KCNQ3: variants seen among roughly 807,000 people sequenced by gnomAD.
KCNQ3 encodes potassium voltage-gated channel subfamily KQT member 3.
A neutral mutation model predicts 92.5 loss-of-function variants in KCNQ3; 30 were observed. That is an observed-to-expected ratio of 0.32 (90% confidence interval 0.24 to 0.44). The LOEUF is 0.44. Among genes scored for constraint, KCNQ3 ranks in the 20% least tolerant of loss-of-function variants. The pLI is 1.00. For synonymous variants in KCNQ3, 450 were observed against 468.8 expected, an observed-to-expected ratio of 0.96 and a Z score of 0.52; for missense variants, 913 against 1,140.3, an observed-to-expected ratio of 0.80 and a Z score of 2.87.
At chr8:132,207,442 AAG>A (rs1813697423) in intron 1 of KCNQ3, among the ~76,000 whole-genome samples, 1 of 152,218 alleles carries the variant, frequency 6.6e-6, no homozygotes, top group Admixed American at 6.5e-5. Context: ...CCAGCTGAGG[AAG>A]AGAGGTTCTA....
intron 1 of KCNQ3, among the ~76,000 whole-genome samples, chr8:132,263,822 T>C (rs1322519186): frequency 1.3e-5 from 2 of 152,092 alleles, no homozygotes; most frequent in Non-Finnish European, 2.9e-5. Context: ...TGTTGATCCT[T>C]CGCTCTGTCT....
intron 9 of KCNQ3, among the ~76,000 whole-genome samples, chr8:132,154,180 C>CA (rs977150698): frequency 3.6e-4 from 28 of 77,828 alleles, no homozygotes; most frequent in Admixed American, 2.0e-3. Context: ...GATGTACCAT[C>CA]AAAAGGGTAA....
intron 1 of KCNQ3, among the ~76,000 whole-genome samples, chr8:132,325,014 A>T (rs915253929): frequency 1.5e-4 from 23 of 151,910 alleles, no homozygotes; most frequent in African/African-American, 5.3e-4. Context: ...TTAAGAAAAA[A>T]TAAATCAGGG....
At chr8:132,199,648 G>T (rs930691541) in intron 1 of KCNQ3, among the ~76,000 whole-genome samples, 1 of 152,144 alleles carries the variant, frequency 6.6e-6, no homozygotes, top group African/African-American at 2.4e-5. Flanking sequence ...GGTGGCTCAC[G>T]CCTGTAATCC....
intron 1 of KCNQ3, among the ~76,000 whole-genome samples, chr8:132,254,297 A>G (rs1275411265): frequency 6.6e-6 from 1 of 152,228 alleles, no homozygotes; most frequent in Non-Finnish European, 1.5e-5. Flanking sequence ...CAAATGAGTG[A>G]TTGGTGAGTA....
At chr8:132,248,473 G>C (rs1186540160) in intron 1 of KCNQ3, among the ~76,000 whole-genome samples, 1 of 152,056 alleles carries the variant, frequency 6.6e-6, no homozygotes, top group Non-Finnish European at 1.5e-5. Flanking sequence ...CTAGAGCTCT[G>C]CTTCCTTTGT....
chr8:132,163,582 C>T, intron 8 of KCNQ3, 88 bp from the exon 9 acceptor site: 1 of 1,137,850 alleles, frequency 8.8e-7, no homozygotes, highest in African/African-American at 1.5e-5. Flanking sequence ...AAGCTTCTCT[C>T]TGAAGATGAT....
At chr8:132,288,434 A>C (rs1278326743) in intron 1 of KCNQ3, among the ~76,000 whole-genome samples, 1 of 152,198 alleles carries the variant, frequency 6.6e-6, no homozygotes, top group Non-Finnish European at 1.5e-5. Flanking sequence ...TTCTATATAA[A>C]CATGAGATGC....
At chr8:132,227,310 T>A (rs1814462116) in intron 1 of KCNQ3, among the ~76,000 whole-genome samples, 1 of 152,064 alleles carries the variant, frequency 6.6e-6, no homozygotes, top group African/African-American at 2.4e-5. Context: ...TCTTCCCGCC[T>A]CGGCCTCCCA....
intron 1 of KCNQ3, among the ~76,000 whole-genome samples, chr8:132,250,073 C>G (rs968938576): frequency 1.3e-5 from 2 of 152,198 alleles, no homozygotes; most frequent in African/African-American, 4.8e-5. Context: ...GGAGCCGGCT[C>G]CAGCCTCAGA....
intron 1 of KCNQ3, among the ~76,000 whole-genome samples, chr8:132,218,490 T>C (rs1814115639): frequency 6.6e-6 from 1 of 152,164 alleles, no homozygotes; most frequent in African/African-American, 2.4e-5. Context: ...GAAACAATCA[T>C]AGAATAAAAG....
At chr8:132,358,828 C>G (rs151005533) in intron 1 of KCNQ3, among the ~76,000 whole-genome samples, 2 of 152,272 alleles carry the variant, frequency 1.3e-5, no homozygotes, top group South Asian at 4.2e-4. Flanking sequence ...ACTTTCAATG[C>G]ATTCTCAAAA....
intron 1 of KCNQ3, among the ~76,000 whole-genome samples, chr8:132,325,976 A>G (rs1586928613): frequency 6.6e-6 from 1 of 152,292 alleles, no homozygotes; most frequent in East Asian, 1.9e-4. Context: ...TGTCGAATGT[A>G]AAAGGGACAA....
At chr8:132,165,498 T>C in intron 8 of KCNQ3, among the ~76,000 whole-genome samples, 1 of 152,230 alleles carries the variant, frequency 6.6e-6, no homozygotes, top group East Asian at 1.9e-4. Context: ...TCCTTTCCCC[T>C]TCGGCATCAA....
chr8:132,172,967 T>C (rs1180633321), intron 6 of KCNQ3, among the ~76,000 whole-genome samples: 1 of 152,216 alleles, frequency 6.6e-6, no homozygotes, highest in Non-Finnish European at 1.5e-5. Context: ...GCAAGCCCCT[T>C]AGCCCTGTTG....
intron 12 of KCNQ3, among the ~76,000 whole-genome samples, chr8:132,137,201 G>A (rs1046896985): frequency 2.6e-5 from 4 of 152,086 alleles, no homozygotes; most frequent in Non-Finnish European, 5.9e-5. Flanking sequence ...ATGAGAGCAG[G>A]TACCATTCTT....
chr8:132,393,272 G>A (rs983258533), intron 1 of KCNQ3, among the ~76,000 whole-genome samples: 1 of 152,172 alleles, frequency 6.6e-6, no homozygotes, highest in African/African-American at 2.4e-5. Context: ...AATGAAAACA[G>A]AGCACAGCTT....
intron 1 of KCNQ3, among the ~76,000 whole-genome samples, chr8:132,321,900 C>T (rs1419261545): frequency 6.6e-6 from 1 of 152,222 alleles, no homozygotes; most frequent in Non-Finnish European, 1.5e-5. Context: ...TGGGCAGAGT[C>T]TCTTCCAGCA....
At chr8:132,416,950 A>C (rs542282431) in intron 1 of KCNQ3, among the ~76,000 whole-genome samples, 53 of 152,180 alleles carry the variant, frequency 3.5e-4, no homozygotes, top group Non-Finnish European at 6.0e-4. Context: ...TAACATGTGC[A>C]AGGGGACACG....
Sources: allele counts gnomAD v4.1 joint callset (sites outside exome capture counted in the v4.1 genomes callset), GRCh38; gene constraint gnomAD v4.1.1; transcripts MANE v1.5; gene names NCBI Gene and HGNC (gene_info 2026-07-23, HGNC 2026-07-21).